The following NRIP3 variants were observed in gnomAD, a reference collection of about 807,000 sequenced individuals.
NRIP3 encodes the protein nuclear receptor-interacting protein 3.
NRIP3 carries 31 observed loss-of-function variants against 29.0 expected under a neutral mutation model. That is an observed-to-expected ratio of 1.07 (90% confidence interval 0.80 to 1.44). The LOEUF (loss-of-function observed/expected upper bound fraction) is 1.44, where lower values mean the gene tolerates loss of function less well. Ranked by LOEUF, NRIP3 falls within the 40% of genes most tolerant of loss-of-function variation. The pLI is 0.00. For missense variants in NRIP3, 314 were observed against 297.9 expected (o/e 1.05, Z -0.40); for synonymous variants, 131 against 118.3 (o/e 1.11, Z -0.70).
At chr11:8,984,704 A>C (rs1489154859) in intron 4 of NRIP3, among the ~76,000 whole-genome samples, 2 of 152,200 alleles carry the variant, frequency 1.3e-5, no homozygotes, top group African/African-American at 4.8e-5. Flanking sequence ...TCAAGAGTAA[A>C]ATGTAGAGAA....
At chr11:9,002,872 CA>C (rs1854833701) in intron 1 of NRIP3, among the ~76,000 whole-genome samples, 1 of 152,170 alleles carries the variant, frequency 6.6e-6, no homozygotes, top group Non-Finnish European at 1.5e-5. Context: ...GATAAAACTA[CA>C]AAGTTAAACA....
chr11:8,983,996 A>G, intron 5 of NRIP3, 27 bp from the exon 6 acceptor site: 1 of 1,605,970 alleles, frequency 6.2e-7, no homozygotes. Flanking sequence ...TGTCAGTGAT[A>G]CCACTATGAG....
At position 8,981,683 on chromosome 11, in the gene NRIP3, G is replaced by C. The variant is rs1854419130; in HGVS notation, c.*1862C>G. 6.6e-6 allele frequency: 1 copy of C among 152,268 alleles called. No individual in the cohort carries two copies. Among genetic ancestry groups the C allele is most frequent in the Non-Finnish European group, 1.5e-5 (1 of 68,162 alleles). 9.4% of individuals were successfully genotyped at this position (152,268 alleles called of 1,614,324 possible). A position where few individuals can be genotyped will look rare whatever the true frequency, so the allele number is the denominator to read the frequency against. On this transcript the variant is annotated 3_prime_UTR_variant, in exon 7 of 7. Coordinates refer to ENST00000309166, the MANE Select transcript of NRIP3 (RefSeq NM_020645.3). ...AGTGGAAAGGTACAAATCCCCGCTAGGTAAGAGAATGGGGTGTTGCTAGAG... is the reference window on the plus strand; with the variant it reads ...AGTGGAAAGGTACAAATCCCCGCTACGTAAGAGAATGGGGTGTTGCTAGAG...
intron 1 of NRIP3, among the ~76,000 whole-genome samples, chr11:8,990,226 A>G (rs1054955741): frequency 6.6e-6 from 1 of 152,080 alleles, no homozygotes; most frequent in Admixed American, 6.5e-5. Flanking sequence ...CACCCTCCTT[A>G]TCTGGAATGG....
chr11:8,997,377 A>G (rs1182393991), intron 1 of NRIP3, among the ~76,000 whole-genome samples: 1 of 150,360 alleles, frequency 6.7e-6, no homozygotes, highest in African/African-American at 2.5e-5. Context: ...AAAAAAAAAA[A>G]AGAAAGAAAA....
intron 1 of NRIP3, among the ~76,000 whole-genome samples, chr11:8,988,506 G>C (rs999857117): frequency 5.3e-5 from 8 of 152,308 alleles, no homozygotes; most frequent in African/African-American, 1.9e-4. Context: ...TGCAAGATAT[G>C]ACACTGGGAA....
Position 8,985,790 on chromosome 11 carries a change from A to G in NRIP3, c.483T>C (p.His161=), listed in dbSNP as rs766297212. ...GCTCAATCTGGCCCACTACTTTGAG[A>G]TGCCGGGGTAGAGAAAGCTTTTCTC... is the stretch of plus-strand genomic sequence containing the variant. ...HEGEKLSLPR[H]LKVVGQIEHL... The change falls in exon 4 of 7, where the codon CAT becomes CAC. Residue 161 remains histidine (H), a synonymous_variant. Coordinates refer to ENST00000309166, the MANE Select transcript of NRIP3 (RefSeq NM_020645.3). 2 of 1,614,132 alleles carry G rather than the reference A, an allele frequency of 1.2e-6. No individual in the cohort carries two copies. Among genetic ancestry groups the G allele is most frequent in the Non-Finnish European group, 1.7e-6 (2 of 1,180,026 alleles).
intron 1 of NRIP3, among the ~76,000 whole-genome samples, chr11:8,988,730 C>T (rs1854555006): frequency 6.6e-6 from 1 of 152,286 alleles, no homozygotes; most frequent in East Asian, 1.9e-4. Context: ...GCTGAAGAAA[C>T]TTAGCTAACA....
chr11:9,003,688 G>A, intron 1 of NRIP3, 74 bp downstream of exon 1: 2 of 1,317,978 alleles, frequency 1.5e-6, no homozygotes, highest in Non-Finnish European at 9.8e-7. Context: ...AGTGAAAGCC[G>A]CAACGGCCGG....
chr11:9,001,319 C>A (rs539815463), intron 1 of NRIP3, among the ~76,000 whole-genome samples: 2 of 152,128 alleles, frequency 1.3e-5, no homozygotes, highest in South Asian at 4.1e-4. Flanking sequence ...AAAGAGCTGG[C>A]AGGCTGGTAT....
intron 4 of NRIP3, among the ~76,000 whole-genome samples, chr11:8,984,835 G>T (rs1263022323): frequency 6.6e-6 from 1 of 151,946 alleles, no homozygotes; most frequent in Non-Finnish European, 1.5e-5. Flanking sequence ...ACATAAAAAT[G>T]TGTTTTCTTG....
chr11:8,981,422 C>T lies in NRIP3; in HGVS notation c.*2123G>A, dbSNP rs61730186. On this transcript the variant is annotated 3_prime_UTR_variant, in exon 7 of 7. Transcript: ENST00000309166. ...GGCGGAGCTTGCAGTGAACCGAGAT[C>T]GTGCCACTGCACTCCAGCCTGGGCA... 0.022 allele frequency: 3,215 copies of T among 146,492 alleles called. 46 individuals carry two copies. The highest frequency in any genetic ancestry group is 0.034 in the Non-Finnish European group (2,323 of 67,502). The allele number at this position is 146,492 out of a possible 1,614,324, so 9.1% of individuals were successfully genotyped here. A position where few individuals can be genotyped will look rare whatever the true frequency, so the allele number is the denominator to read the frequency against.
Position 9,003,841 on chromosome 11 carries a change from G to T in NRIP3, c.95C>A (p.Ala32Glu), listed in dbSNP as rs376668179. 7 of 1,520,154 alleles carry T rather than the reference G, an allele frequency of 4.6e-6. No individual in the cohort carries two copies. The African/African-American group carries it at 1.0e-4, about 22-fold the overall frequency. 94.2% of individuals were successfully genotyped at this position (1,520,154 alleles called of 1,614,324 possible). ...GGAGTCCTTGTGGATGAACTGCACC[G>T]CCTGCTTCATCCGGCGCTGCTGTCG... ...SLRQQRRMKQ[A>E]VQFIHKDSAD... Residue 32 changes from alanine (A) to glutamate (E), a missense_variant, in exon 1 of 7, where the codon GCG becomes GAG. Physicochemically the swap from Ala to Glu is moderately radical, Grantham distance 107. Transcript: ENST00000309166.
At chr11:9,002,793 A>C (rs927071143) in intron 1 of NRIP3, among the ~76,000 whole-genome samples, 11 of 152,214 alleles carry the variant, frequency 7.2e-5, no homozygotes, top group Non-Finnish European at 1.2e-4. Flanking sequence ...AGTGTTTCAC[A>C]TATTACCACC....
Position 8,983,436 on chromosome 11 carries a change from G to C in NRIP3, c.*109C>G. ...CCCCTGGAGCTTCTATTAGATGGAA[G>C]GACTTGGTCCACAGCAAGTCACTAC... On this transcript the variant is annotated 3_prime_UTR_variant, in exon 7 of 7. Transcript: ENST00000309166. The C allele has an allele frequency of 1.0e-6, 1 of 960,326 alleles. No individual in the cohort carries two copies. The highest frequency in any genetic ancestry group is 1.6e-6 in the Non-Finnish European group (1 of 625,608). 59.5% of individuals were successfully genotyped at this position (960,326 alleles called of 1,614,324 possible). A position where few individuals can be genotyped will look rare whatever the true frequency, so the allele number is the denominator to read the frequency against.
rs61756060 is a variant in NRIP3 at position 8,985,795 on chromosome 11, G to A, written c.478C>T (p.Arg160Trp). ...KHEGEKLSLP[R>W]HLKVVGQIEH... ...ATCTGGCCCACTACTTTGAGATGCCGGGGTAGAGAAAGCTTTTCTCCTTCA... is the reference window on the plus strand; with the variant it reads ...ATCTGGCCCACTACTTTGAGATGCCAGGGTAGAGAAAGCTTTTCTCCTTCA... The change falls in exon 4 of 7, where the codon CGG becomes TGG. Residue 160 changes from arginine (R) to tryptophan (W), a missense_variant. By Grantham distance (101) the Arg-to-Trp change is moderately radical. Coordinates refer to ENST00000309166, the MANE Select transcript of NRIP3 (RefSeq NM_020645.3). The A allele has an allele frequency of 3.8e-3, 6,187 of 1,614,110 alleles. 30 individuals are homozygous for A. The highest frequency in any genetic ancestry group is 4.4e-3 in the Non-Finnish European group (5,149 of 1,180,002).
rs1854405453 is a variant in NRIP3 at position 8,980,959 on chromosome 11, AGACAGGT to A, written c.*2579_*2585del. ...TGAGATAGACATCTAATAAGGAATG[AGACAGGT>A]CTGGTGCTTCATGCTACTGCCTATT... On this transcript the variant is annotated 3_prime_UTR_variant, in exon 7 of 7. Coordinates refer to ENST00000309166, the MANE Select transcript of NRIP3 (RefSeq NM_020645.3). The A allele has an allele frequency of 6.6e-6, 1 of 152,212 alleles. No homozygotes were observed. Among genetic ancestry groups the A allele is most frequent in the South Asian group, 2.1e-4 (1 of 4,834 alleles). The allele number at this position is 152,212 out of a possible 1,614,324, so 9.4% of individuals were successfully genotyped here. A position where few individuals can be genotyped will look rare whatever the true frequency, so the allele number is the denominator to read the frequency against.
chr11:9,000,862 A>T (rs1414602204), intron 1 of NRIP3, among the ~76,000 whole-genome samples: 2 of 152,154 alleles, frequency 1.3e-5, no homozygotes, highest in Non-Finnish European at 2.9e-5. Flanking sequence ...TGAGACCAGG[A>T]GTTCAAGACC....
At chr11:9,000,286 G>C (rs1218960386) in intron 1 of NRIP3, among the ~76,000 whole-genome samples, 1 of 152,172 alleles carries the variant, frequency 6.6e-6, no homozygotes, top group Non-Finnish European at 1.5e-5. Context: ...GTTTGTGCCA[G>C]ATCTTGGTGT....
Sources: gnomAD v4.1 joint callset for allele counts (sites outside exome capture counted in the v4.1 genomes callset) on GRCh38, gnomAD v4.1.1 for gene constraint, MANE v1.5 for transcripts, NCBI Gene and HGNC (gene_info 2026-07-23, HGNC 2026-07-21) for gene names.